Variants in HMCN2 observed in about 807,000 individuals in gnomAD.
The protein encoded by HMCN2 is hemicentin 2, also known as hemicentin-2.
In HMCN2, 325 loss-of-function variants were observed where a neutral mutation model predicts 377.5. The ratio of observed to expected loss-of-function variants is 0.86; its 90% CI spans 0.79 to 0.94. The LOEUF is 0.94. Ranked by LOEUF, HMCN2 falls within the 40% of genes least tolerant of loss-of-function variation. HMCN2 has a pLI of 0.00. For missense variants in HMCN2, 4,543 were observed against 4,725.3 expected, an observed-to-expected ratio of 0.96 and a Z score of 1.13; for synonymous variants, 2,007 against 2,046.8, an observed-to-expected ratio of 0.98 and a Z score of 0.53.
At chr9:130,363,059 G>C in intron 40 of HMCN2, 69 bp downstream of exon 40, 1 of 983,506 alleles carries the variant, frequency 1.0e-6, no homozygotes, top group Non-Finnish European at 1.2e-6. Context: ...GGCATTCCCA[G>C]TCACTTCCAA....
chr9:130,390,375 A>G (rs1842248946), intron 62 of HMCN2, among the ~76,000 whole-genome samples: 1 of 151,978 alleles, frequency 6.6e-6, no homozygotes, highest in Admixed American at 6.5e-5. Context: ...ACAGGGACTG[A>G]GCTGCCCTCA....
chr9:130,277,976 T>TCAC lies in HMCN2; in HGVS notation c.260-6617_260-6615dup, dbSNP rs1384229383. On this transcript the variant is annotated intron_variant, in intron 1 of 97. Coordinates refer to ENST00000683500, the MANE Select transcript of HMCN2 (RefSeq NM_001291815.2). The stretch of plus-strand genomic sequence containing the variant: ...ATCACCACCACCACCACCATCATCA[T>TCAC]CACCACCACCACGATCATCACCACC... Among the ~76,000 whole-genome samples, 6 of 82,062 alleles carry TCAC rather than the reference T, an allele frequency of 7.3e-5. 1 individual carries two copies. Among genetic ancestry groups the TCAC allele is most frequent in the Non-Finnish European group, 1.2e-4 (5 of 42,170 alleles). 53.8% of individuals were successfully genotyped at this position (82,062 alleles called of 152,430 possible).
Position 130,299,275 on chromosome 9 carries a change from T to C in HMCN2, c.1263T>C (p.Ser421=), listed in dbSNP as rs782211503. The C allele has an allele frequency of 4.3e-6, 2 of 463,624 alleles. No homozygotes were observed. The highest frequency in any genetic ancestry group is 1.4e-4 in the East Asian group (2 of 14,212). 28.7% of individuals were successfully genotyped at this position (463,624 alleles called of 1,614,324 possible). The change falls in exon 8 of 98, where the codon AGT becomes AGC. Residue 421 remains serine (S), a synonymous_variant. Coordinates refer to ENST00000683500, the MANE Select transcript of HMCN2 (RefSeq NM_001291815.2). ...PLLRVSGVSY[S]GVAPGAPLVS... ...TTCGTGTCTCTGGAGTGTCCTACAG[T>C]GGGGTGGCCCCAGGTGAGTGGTTGG...
At position 130,303,075 on chromosome 9, in the gene HMCN2, G is replaced by A. The variant is rs1490882658; in HGVS notation, c.1421+74G>A. 5.2e-6 allele frequency: 2 copies of A among 384,032 alleles called. No individual in the cohort carries two copies. Among genetic ancestry groups the A allele is most frequent in the African/African-American group, 2.1e-5 (1 of 47,798 alleles). The allele number at this position is 384,032 out of a possible 1,614,324, so 23.8% of individuals were successfully genotyped here. The stretch of plus-strand genomic sequence containing the variant: ...TGCTGAGGCCCTGGAGGGATCTCAG[G>A]GGAGTGGGTGGCAGGAGAGAGACCT... On this transcript the variant is annotated intron_variant, in intron 9 of 97. Transcript: ENST00000683500. This position sits in a 1 kb window ranked among gnomAD's most constrained non-coding sequence, Gnocchi z 5.2.
chr9:130,376,565 G>A lies in HMCN2; in HGVS notation c.7968G>A (p.Lys2656=). The A allele has an allele frequency of 3.0e-6, 3 of 985,900 alleles. No homozygotes were observed. The highest frequency in any genetic ancestry group is 3.6e-6 in the Non-Finnish European group (3 of 829,980). The allele number at this position is 985,900 out of a possible 1,614,324, so 61.1% of individuals were successfully genotyped here. The change falls in exon 52 of 98, where the codon AAG becomes AAA. Residue 2656 remains lysine (K), a synonymous_variant. Coordinates refer to ENST00000683500, the MANE Select transcript of HMCN2 (RefSeq NM_001291815.2). ...ACCCCTTGGCGGAGGTCGGCGTGAA[G>A]GAGGTGAAGACCAAGGTCAACAGCA... The part of the protein sequence containing the change: ...KDDPLAEVGV[K]EVKTKVNSTL...
At chr9:130,267,938 G>A (rs1554919807) in intron 1 of HMCN2, among the ~76,000 whole-genome samples, 3 of 152,308 alleles carry the variant, frequency 2.0e-5, no homozygotes, top group East Asian at 1.9e-4. Flanking sequence ...TGGGGCTTCC[G>A]AAGACATCAC....
At chr9:130,397,314 C>T (rs889552208) in intron 73 of HMCN2, among the ~76,000 whole-genome samples, 6 of 152,206 alleles carry the variant, frequency 3.9e-5, no homozygotes, top group South Asian at 2.1e-4. Flanking sequence ...GGGAAAGACC[C>T]GCCCCCCAAT....
intron 62 of HMCN2, among the ~76,000 whole-genome samples, chr9:130,388,764 G>A (rs1842148902): frequency 6.6e-6 from 1 of 151,610 alleles, no homozygotes; most frequent in South Asian, 2.1e-4. Flanking sequence ...GGGTTTGGAA[G>A]CTCCTTTGCA....
rs1438582152 is a variant in HMCN2, at chr9:130,394,938, C to G, written c.10693-89C>G. 1 of 851,626 alleles carries G rather than the reference C, an allele frequency of 1.2e-6. No individual in the cohort carries two copies. The highest frequency in any genetic ancestry group is 1.6e-6 in the Non-Finnish European group (1 of 617,264). The allele number at this position is 851,626 out of a possible 1,614,324, so 52.8% of individuals were successfully genotyped here. ...GACCTCGCAGGGCTGAGTTTGAATC[C>G]TGGGTCCCTCGATGCATGAGAAAGA... On this transcript the variant is annotated intron_variant, in intron 69 of 97. Transcript: ENST00000683500. The surrounding 1 kb of genome is among the most constrained non-coding windows in gnomAD (Gnocchi z 5.1).
chr9:130,278,685 C>A (rs775702871), intron 1 of HMCN2, among the ~76,000 whole-genome samples: 2 of 150,818 alleles, frequency 1.3e-5, no homozygotes, highest in South Asian at 4.2e-4. Context: ...TGGGTTCAAG[C>A]GATTCTTCTG....
chr9:130,340,307 C>T (rs1173276775), intron 23 of HMCN2, among the ~76,000 whole-genome samples: 2 of 152,360 alleles, frequency 1.3e-5, no homozygotes, highest in South Asian at 2.1e-4. Context: ...TTTAGTGCCG[C>T]ACCTCATTTC....
intron 97 of HMCN2, chr9:130,432,773 A>G: frequency 1.7e-6 from 1 of 589,162 alleles, no homozygotes; most frequent in South Asian, 2.0e-5. Context: ...GCAGACTCAC[A>G]CAACCCCAGG....
rs924146279 is a variant in HMCN2, at chr9:130,358,248, C to T, written c.5581-142C>T. On this transcript the variant is annotated intron_variant, in intron 35 of 97. Coordinates refer to ENST00000683500, the MANE Select transcript of HMCN2 (RefSeq NM_001291815.2). ...GAATCCCTGGAATCCAAGTGCTTGG[C>T]TCATAACTCTACCTCCAGAGCCAAA... The T allele has an allele frequency of 5.0e-6, 5 of 995,468 alleles. No individual in the cohort carries two copies. The African/African-American group carries it at 8.4e-5, about 17-fold the overall frequency. 61.7% of individuals were successfully genotyped at this position (995,468 alleles called of 1,614,324 possible). A position where few individuals can be genotyped will look rare whatever the true frequency, so the allele number is the denominator to read the frequency against.
intron 97 of HMCN2, chr9:130,432,781 AG>A: frequency 1.7e-6 from 1 of 580,786 alleles, no homozygotes; most frequent in Non-Finnish European, 3.1e-6. Context: ...ACACAACCCC[AG>A]GACAAAACTC....
intron 25 of HMCN2, among the ~76,000 whole-genome samples, chr9:130,342,652 G>A (rs1402519906): frequency 6.6e-6 from 1 of 152,186 alleles, no homozygotes; most frequent in East Asian, 1.9e-4. Flanking sequence ...AGGGGGTTAA[G>A]TGACTTGCCT....
chr9:130,278,052 TACCACC>T lies in HMCN2; in HGVS notation c.260-6537_260-6532del, dbSNP rs1177301736. ...CGATCATCACCACCACCATCATCATTACCACCACCACCACCACCATCATCATCATCA... is the reference window on the plus strand; with the variant it reads ...CGATCATCACCACCACCATCATCATTACCACCACCACCATCATCATCATCA... On this transcript the variant is annotated intron_variant, in intron 1 of 97. Coordinates refer to ENST00000683500, the MANE Select transcript of HMCN2 (RefSeq NM_001291815.2). Among the ~76,000 whole-genome samples, 171 of 83,634 alleles carry T rather than the reference TACCACC, an allele frequency of 2.0e-3. 22 individuals are homozygous for T. Among genetic ancestry groups the T allele is most frequent in the Admixed American group, 5.8e-3 (46 of 7,960 alleles). 54.9% of individuals were successfully genotyped at this position (83,634 alleles called of 152,430 possible).
chr9:130,324,987 A>AC (rs1838050069), intron 19 of HMCN2, among the ~76,000 whole-genome samples: 1 of 55,210 alleles, frequency 1.8e-5, no homozygotes, highest in South Asian at 1.1e-3. Flanking sequence ...TATCACCTGG[A>AC]GTAGCTTCAC....
chr9:130,311,440 C>G (rs1837235787), intron 15 of HMCN2, among the ~76,000 whole-genome samples: 1 of 152,176 alleles, frequency 6.6e-6, no homozygotes, highest in Non-Finnish European at 1.5e-5. Flanking sequence ...TCACCAGGTG[C>G]TCGTGTGCCA....
intron 3 of HMCN2, among the ~76,000 whole-genome samples, chr9:130,285,908 A>G (rs1342801786): frequency 2.0e-5 from 3 of 152,152 alleles, no homozygotes; most frequent in African/African-American, 7.2e-5. Flanking sequence ...GTCGACTTCC[A>G]CGCTCGTCTT....
Sources: gnomAD v4.1 joint callset for allele counts (sites outside exome capture counted in the v4.1 genomes callset) on GRCh38, gnomAD v4.1.1 for gene constraint, Gnocchi (gnomAD v3.1) non-coding constraint, MANE v1.5 for transcripts, NCBI Gene and HGNC (gene_info 2026-07-23, HGNC 2026-07-21) for gene names.